The following SLC22A23 variants were observed in gnomAD, a reference collection of about 807,000 sequenced individuals.
The protein encoded by SLC22A23 is ion transporter protein.
In SLC22A23, 26 loss-of-function variants were observed where a neutral mutation model predicts 61.0. The observed-to-expected ratio is 0.43, with a 90% confidence interval of 0.31 to 0.59. The LOEUF is 0.59. SLC22A23 is among the 20% of genes least tolerant of loss of function. The pLI is 0.11. For synonymous variants in SLC22A23, 430 were observed against 413.9 expected (o/e 1.04, Z -0.47); for missense variants, 796 against 934.7 (o/e 0.85, Z 1.94).
At chr6:3,424,673 G>A (rs1034124790) in intron 1 of SLC22A23, among the ~76,000 whole-genome samples, 3 of 152,172 alleles carry the variant, frequency 2.0e-5, no homozygotes, top group African/African-American at 4.8e-5. Context: ...AGCTCAGGGG[G>A]TGGCAATCTG....
At chr6:3,403,039 C>T (rs1374343135) in intron 3 of SLC22A23, among the ~76,000 whole-genome samples, 1 of 152,170 alleles carries the variant, frequency 6.6e-6, no homozygotes, top group Non-Finnish European at 1.5e-5. Context: ...CATGGCTCTG[C>T]ACCATTTGAG....
At chr6:3,361,615 T>A (rs1765454032) in intron 3 of SLC22A23, among the ~76,000 whole-genome samples, 1 of 152,230 alleles carries the variant, frequency 6.6e-6, no homozygotes, top group Admixed American at 6.5e-5. Flanking sequence ...GCTGGGCCCA[T>A]GAGTCTCTCT....
intron 3 of SLC22A23, among the ~76,000 whole-genome samples, chr6:3,352,447 A>G (rs1385893254): frequency 2.0e-5 from 3 of 152,114 alleles, no homozygotes; most frequent in Non-Finnish European, 4.4e-5. Context: ...ACACAGACAC[A>G]TATTGACCCA....
intron 1 of SLC22A23, among the ~76,000 whole-genome samples, chr6:3,425,979 C>T (rs1266627970): frequency 6.6e-6 from 1 of 152,174 alleles, no homozygotes; most frequent in African/African-American, 2.4e-5. Flanking sequence ...ATTCAATACA[C>T]TTTATGTGCA....
At chr6:3,416,591 C>T (rs1769721338) in intron 1 of SLC22A23, among the ~76,000 whole-genome samples, 1 of 152,246 alleles carries the variant, frequency 6.6e-6, no homozygotes, top group Non-Finnish European at 1.5e-5. Flanking sequence ...AGGATCAGGA[C>T]GTAAACCCCT....
chr6:3,335,561 T>C (rs1462209841), intron 3 of SLC22A23, among the ~76,000 whole-genome samples: 1 of 152,162 alleles, frequency 6.6e-6, no homozygotes, highest in South Asian at 2.1e-4. Flanking sequence ...TGAGCAGGGC[T>C]CTCACATACC....
rs570020733 is a variant in SLC22A23, at chr6:3,301,446, A to T, written c.1083-3228T>A. Among the ~76,000 whole-genome samples, 41 of 152,364 alleles carry T rather than the reference A, an allele frequency of 2.7e-4. 1 individual carries two copies. The South Asian group carries it at 8.5e-3, about 32-fold the overall frequency. On this transcript the variant is annotated intron_variant, in intron 4 of 9. Coordinates refer to ENST00000406686, the MANE Select transcript of SLC22A23 (RefSeq NM_015482.2). ...TATAAATACGGTAATATGACAGCGC[A>T]AGCGATTTCGCAGGTAGTCTCTACA...
chr6:3,311,585 A>G (rs1490386390), intron 4 of SLC22A23: 1 of 152,210 alleles, frequency 6.6e-6, no homozygotes, highest in East Asian at 1.9e-4. Flanking sequence ...ATTAAACTTC[A>G]GACTGTAGAG....
chr6:3,279,028 C>T (rs1346361572), intron 9 of SLC22A23, among the ~76,000 whole-genome samples: 2 of 152,162 alleles, frequency 1.3e-5, no homozygotes, highest in Non-Finnish European at 2.9e-5. Context: ...CCTGGTGAAC[C>T]ACATCATACT....
chr6:3,455,805 T>C, intron 1 of SLC22A23, 101 bp downstream of exon 1: 5 of 1,377,908 alleles, frequency 3.6e-6, no homozygotes, highest in Non-Finnish European at 4.8e-6. Flanking sequence ...ACACACACTC[T>C]AGCACCACCA....
intron 3 of SLC22A23, among the ~76,000 whole-genome samples, chr6:3,332,080 A>T (rs9503546): frequency 1.3e-5 from 2 of 152,104 alleles, no homozygotes; most frequent in African/African-American, 4.8e-5. Flanking sequence ...ATGGAGCCTC[A>T]CAGGCCTTCA....
At chr6:3,430,998 G>A (rs531993586) in intron 1 of SLC22A23, among the ~76,000 whole-genome samples, 32 of 151,706 alleles carry the variant, frequency 2.1e-4, no homozygotes, top group African/African-American at 6.0e-4. Flanking sequence ...CCTGGGAAGC[G>A]GAGGTTGTGG....
intron 3 of SLC22A23, among the ~76,000 whole-genome samples, chr6:3,344,689 A>C: frequency 6.6e-6 from 1 of 152,264 alleles, no homozygotes; most frequent in Non-Finnish European, 1.5e-5. Context: ...GCGTGTCTTG[A>C]AAGAACCAAT....
At chr6:3,276,545 C>G (rs1319246559) in intron 9 of SLC22A23, 1 of 152,828 alleles carries the variant, frequency 6.5e-6, no homozygotes, top group East Asian at 1.9e-4. Flanking sequence ...ATGCACAGGT[C>G]CTGGGGGCCC....
At chr6:3,391,762 G>T (rs1353849174) in intron 3 of SLC22A23, among the ~76,000 whole-genome samples, 1 of 152,192 alleles carries the variant, frequency 6.6e-6, no homozygotes, top group Non-Finnish European at 1.5e-5. Context: ...GGGTGAGTCT[G>T]AAGAAATTGT....
At chr6:3,352,432 GAC>G (rs1327336823) in intron 3 of SLC22A23, among the ~76,000 whole-genome samples, 1 of 151,806 alleles carries the variant, frequency 6.6e-6, no homozygotes, top group Non-Finnish European at 1.5e-5. Context: ...TGCATGCACA[GAC>G]ACACACAGAC....
chr6:3,389,204 G>T lies in SLC22A23; in HGVS notation c.913+20984C>A, dbSNP rs918552341. On this transcript the variant is annotated intron_variant, in intron 3 of 9. Coordinates refer to ENST00000406686, the MANE Select transcript of SLC22A23 (RefSeq NM_015482.2). ...AATCACTGCAACCCGGGAGGTGGAG[G>T]TTGCAGTGAGCCAAGACTGCACCAC... Among the ~76,000 whole-genome samples, 6 of 137,868 alleles carry T rather than the reference G, an allele frequency of 4.4e-5. No homozygotes were observed. In the South Asian group the frequency reaches 1.0e-3, roughly 23 times the overall value. 90.4% of individuals were successfully genotyped at this position (137,868 alleles called of 152,430 possible). A position where few individuals can be genotyped will look rare whatever the true frequency, so the allele number is the denominator to read the frequency against.
At chr6:3,287,346 G>C (rs935561298) in intron 6 of SLC22A23, among the ~76,000 whole-genome samples, 1 of 152,244 alleles carries the variant, frequency 6.6e-6, no homozygotes, top group Non-Finnish European at 1.5e-5. Flanking sequence ...ATAGACAGGT[G>C]TGGGCACAAG....
At chr6:3,416,723 G>A (rs539216615) in intron 1 of SLC22A23, among the ~76,000 whole-genome samples, 37 of 152,340 alleles carry the variant, frequency 2.4e-4, no homozygotes, top group African/African-American at 8.7e-4. Flanking sequence ...ACACAGAGCC[G>A]GGGGTCTAGA....
Sources: allele counts gnomAD v4.1 joint callset (sites outside exome capture counted in the v4.1 genomes callset), GRCh38; gene constraint gnomAD v4.1.1; transcripts MANE v1.5; gene names NCBI Gene and HGNC (gene_info 2026-07-23, HGNC 2026-07-21).